Variants in KAZN observed in about 807,000 individuals in gnomAD.
The protein encoded by KAZN is kazrin, periplakin interacting protein.
Under a neutral mutation model 87.4 loss-of-function variants are expected in KAZN, and 40 were observed. That is an observed-to-expected ratio of 0.46 (90% confidence interval 0.36 to 0.60). The LOEUF (loss-of-function observed/expected upper bound fraction) is 0.60. Among genes scored for constraint, KAZN ranks in the 20% least tolerant of loss-of-function variants. The pLI, the probability that KAZN is intolerant of heterozygous loss-of-function variation, is 0.00. For synonymous variants in KAZN, 466 were observed against 458.3 expected, an observed-to-expected ratio of 1.02 and a Z score of -0.22; for missense variants, 898 against 1,073.9, an observed-to-expected ratio of 0.84 and a Z score of 2.29.
At chr1:14,762,132 G>A (rs1049676198) in intron 1 of KAZN, among the ~76,000 whole-genome samples, 4 of 152,120 alleles carry the variant, frequency 2.6e-5, no homozygotes, top group Admixed American at 6.5e-5. Flanking sequence ...TTTGGTAACC[G>A]CTCCTTTTAT....
chr1:15,111,394 A>T (rs930307063), intron 13 of KAZN, among the ~76,000 whole-genome samples: 1 of 152,158 alleles, frequency 6.6e-6, no homozygotes, highest in African/African-American at 2.4e-5. Context: ...GTTCAATCTT[A>T]GCCTCCGAGT....
chr1:13,923,422 A>G (rs1015797997), intron 1 of KAZN, among the ~76,000 whole-genome samples: 1 of 151,690 alleles, frequency 6.6e-6, no homozygotes, highest in Non-Finnish European at 1.5e-5. Context: ...AAATACAAAA[A>G]ATTAGCCGGG....
chr1:14,377,244 G>A (rs1478843191), intron 2 of KAZN, among the ~76,000 whole-genome samples: 1 of 152,100 alleles, frequency 6.6e-6, no homozygotes, highest in Non-Finnish European at 1.5e-5. Flanking sequence ...CTTTTTAACT[G>A]GTAATTGGTT....
At chr1:14,227,929 G>A (rs1440547356) in intron 2 of KAZN, among the ~76,000 whole-genome samples, 1 of 152,162 alleles carries the variant, frequency 6.6e-6, no homozygotes, top group Non-Finnish European at 1.5e-5. Flanking sequence ...GACTCAGGGT[G>A]CTGCTTTGTT....
At chr1:14,305,778 C>T (rs1053481589) in intron 2 of KAZN, among the ~76,000 whole-genome samples, 1 of 151,950 alleles carries the variant, frequency 6.6e-6, no homozygotes, top group African/African-American at 2.4e-5. Context: ...TTTTAACAGG[C>T]TTATAATCTA....
chr1:14,379,909 G>T (rs1413870104), intron 2 of KAZN, among the ~76,000 whole-genome samples: 2 of 152,128 alleles, frequency 1.3e-5, no homozygotes, highest in Non-Finnish European at 2.9e-5. Flanking sequence ...GTTATAGTGG[G>T]CCTTAGGCGA....
chr1:15,034,833 G>T lies in KAZN; in HGVS notation c.503G>T (p.Ser168Ile). The T allele has an allele frequency of 6.2e-7, 1 of 1,614,034 alleles. No individual in the cohort carries two copies. Among genetic ancestry groups the T allele is most frequent in the Non-Finnish European group, 8.5e-7 (1 of 1,179,968 alleles). Reference sequence around the variant, plus strand: ...CAGCAGCTGTATGCCACACTGGAGAGCCGCGAGGAGCAGCTCCGAGACTTC... The same window carrying T: ...CAGCAGCTGTATGCCACACTGGAGATCCGCGAGGAGCAGCTCCGAGACTTC... ...QMQQLYATLE[S>I]REEQLRDFIR... Residue 168 changes from serine to isoleucine, a missense_variant, in exon 3 of 15, where the codon AGC (serine) becomes ATC (isoleucine). Ser to Ile is a moderately radical substitution (Grantham distance 142). Transcript: ENST00000376030.
At chr1:14,580,378 G>A (rs1163019682) in intron 2 of KAZN, among the ~76,000 whole-genome samples, 1 of 152,134 alleles carries the variant, frequency 6.6e-6, no homozygotes, top group Non-Finnish European at 1.5e-5. Context: ...GGAAGGCTGA[G>A]GCAGGAGAAT....
intron 1 of KAZN, among the ~76,000 whole-genome samples, chr1:14,115,250 C>A (rs1644590198): frequency 6.6e-6 from 1 of 152,212 alleles, no homozygotes. Context: ...TATGCAGCCA[C>A]AAATCACATC....
chr1:14,404,919 T>C (rs1663706270), intron 2 of KAZN, among the ~76,000 whole-genome samples: 1 of 152,186 alleles, frequency 6.6e-6, no homozygotes, highest in Non-Finnish European at 1.5e-5. Flanking sequence ...ATTGTAAAGA[T>C]GAGTGTGGAA....
At chr1:14,435,376 A>G (rs1666320861) in intron 2 of KAZN, among the ~76,000 whole-genome samples, 1 of 152,226 alleles carries the variant, frequency 6.6e-6, no homozygotes, top group Non-Finnish European at 1.5e-5. Context: ...AGAGGTGACC[A>G]GGAGTTGCCA....
chr1:14,530,929 C>G (rs1269164626), intron 2 of KAZN, among the ~76,000 whole-genome samples: 2 of 152,068 alleles, frequency 1.3e-5, no homozygotes, highest in African/African-American at 4.8e-5. Flanking sequence ...AAAAATTAGC[C>G]AGGCATAGTG....
intron 1 of KAZN, among the ~76,000 whole-genome samples, chr1:14,783,008 T>C (rs1645401880): frequency 6.6e-6 from 1 of 151,838 alleles, no homozygotes; most frequent in African/African-American, 2.4e-5. Flanking sequence ...CCCTGAAGAG[T>C]AGCTTCTCGA....
chr1:15,085,267 A>T (rs539692679), intron 8 of KAZN, among the ~76,000 whole-genome samples: 1 of 152,360 alleles, frequency 6.6e-6, no homozygotes, highest in East Asian at 1.9e-4. Context: ...GAATTAATTA[A>T]AATTAAATAC....
chr1:14,271,336 C>A (rs1453286165), intron 2 of KAZN, among the ~76,000 whole-genome samples: 1 of 152,170 alleles, frequency 6.6e-6, no homozygotes, highest in African/African-American at 2.4e-5. Flanking sequence ...AGGGGAGGAA[C>A]CCTCAGCGCA....
intron 1 of KAZN, among the ~76,000 whole-genome samples, chr1:14,955,439 C>T (rs1156642640): frequency 6.6e-6 from 1 of 152,234 alleles, no homozygotes; most frequent in Non-Finnish European, 1.5e-5. Flanking sequence ...CCAGGGCTGT[C>T]TCCACTCCTG....
intron 2 of KAZN, among the ~76,000 whole-genome samples, chr1:14,534,866 CT>C (rs1672398755): frequency 6.6e-6 from 1 of 152,126 alleles, no homozygotes; most frequent in South Asian, 2.1e-4. Context: ...AGGCTGTGTT[CT>C]ACCTTCTCCT....
chr1:14,384,949 A>C (rs1206969676), intron 2 of KAZN, among the ~76,000 whole-genome samples: 1 of 149,908 alleles, frequency 6.7e-6, no homozygotes, highest in Non-Finnish European at 1.5e-5. Context: ...CTGGTCCTGG[A>C]CTCTTTTTGG....
intron 1 of KAZN, among the ~76,000 whole-genome samples, chr1:13,934,485 G>A (rs1435586020): frequency 1.3e-5 from 2 of 152,112 alleles, no homozygotes; most frequent in South Asian, 2.1e-4. Flanking sequence ...AAATGAACAC[G>A]GGCAAAAGAC....
Sources: gnomAD v4.1 joint callset for allele counts (sites outside exome capture counted in the v4.1 genomes callset) on GRCh38, gnomAD v4.1.1 for gene constraint, MANE v1.5 for transcripts, NCBI Gene and HGNC (gene_info 2026-07-23, HGNC 2026-07-21) for gene names.